RNF38: variants seen among roughly 807,000 people sequenced by gnomAD.
RNF38 encodes ring finger protein 38, also known as E3 ubiquitin-protein ligase RNF38.
In RNF38, 15 loss-of-function variants were observed where a neutral mutation model predicts 67.2. The observed-to-expected ratio is 0.22, with a 90% CI of 0.15 to 0.34. The LOEUF (loss-of-function observed/expected upper bound fraction) is 0.34, where lower values mean the gene tolerates loss of function less well. Among genes scored for constraint, RNF38 ranks in the 10% least tolerant of loss-of-function variants. The pLI, the probability that RNF38 is intolerant of heterozygous loss-of-function variation, is 1.00. For missense variants in RNF38, 524 were observed against 639.9 expected (o/e 0.82, Z 1.95); for synonymous variants, 220 against 218.8 (o/e 1.01, Z -0.05).
upstream of RNF38, chr9:36,400,958 C>A: frequency 1.0e-6 from 1 of 984,742 alleles, no homozygotes; most frequent in Non-Finnish European, 1.2e-6. Context: ...ATCACAGACC[C>A]GGGCTCCCTA....
At chr9:36,464,732 A>G (rs1223987545) in intron 1 of RNF38, among the ~76,000 whole-genome samples, 3 of 152,218 alleles carry the variant, frequency 2.0e-5, no homozygotes, top group African/African-American at 7.2e-5. Flanking sequence ...GAAATGGCAA[A>G]ACAAGTTAAA....
At chr9:36,398,864 A>G (rs561627421) in intron 1 of RNF38, among the ~76,000 whole-genome samples, 2 of 152,202 alleles carry the variant, frequency 1.3e-5, no homozygotes, top group Non-Finnish European at 2.9e-5. Flanking sequence ...CTTGACCAAT[A>G]ATCTTTCCAT....
intron 2 of RNF38, among the ~76,000 whole-genome samples, chr9:36,420,587 T>C (rs1747100316): frequency 6.7e-6 from 1 of 150,350 alleles, no homozygotes; most frequent in African/African-American, 2.4e-5. Context: ...CCCCCTTCCC[T>C]GCTTTCTTAT....
intron 9 of RNF38, among the ~76,000 whole-genome samples, chr9:36,349,354 T>A (rs1298320558): frequency 1.3e-5 from 2 of 152,188 alleles, no homozygotes; most frequent in Non-Finnish European, 2.9e-5. Flanking sequence ...TTATTGTGGT[T>A]TTGATTTACA....
chr9:36,357,735 TTAATA>T (rs746956436), intron 5 of RNF38, 35 bp downstream of exon 5: 8 of 1,571,912 alleles, frequency 5.1e-6, no homozygotes, highest in Non-Finnish European at 7.0e-6. Flanking sequence ...GCTGGTGTGC[TTAATA>T]GTAATATCTA....
chr9:36,357,663 A>G, intron 5 of RNF38, 112 bp downstream of exon 5: 1 of 696,886 alleles, frequency 1.4e-6, no homozygotes, highest in Non-Finnish European at 2.3e-6. Flanking sequence ...TTGTTTGCTT[A>G]TATAATGCAG....
At chr9:36,384,277 A>G (rs959173637) in intron 2 of RNF38, among the ~76,000 whole-genome samples, 1 of 152,204 alleles carries the variant, frequency 6.6e-6, no homozygotes, top group Non-Finnish European at 1.5e-5. Flanking sequence ...AAAGATACTA[A>G]AACAACCTGA....
At chr9:36,403,455 G>C (rs939138392), upstream of RNF38, among the ~76,000 whole-genome samples, 1 of 152,152 alleles carries the variant, frequency 6.6e-6, no homozygotes, top group Non-Finnish European at 1.5e-5. Context: ...CAGGGCTACG[G>C]GACAGTACAG....
At chr9:36,450,945 A>G (rs1240221620) in intron 1 of RNF38, among the ~76,000 whole-genome samples, 11 of 152,144 alleles carry the variant, frequency 7.2e-5, no homozygotes, top group Admixed American at 5.9e-4. Context: ...ACCAGACAAT[A>G]TGAGTCTCCT....
intron 1 of RNF38, among the ~76,000 whole-genome samples, chr9:36,457,221 A>C (rs1325165238): frequency 6.6e-6 from 1 of 152,198 alleles, no homozygotes; most frequent in Non-Finnish European, 1.5e-5. Context: ...CCAAACACGA[A>C]GGCACTGAAT....
Position 36,390,621 on chromosome 9 carries a change from G to A in RNF38, c.13-5C>T. On this transcript the variant is annotated splice_region_variant and splice_polypyrimidine_tract_variant and intron_variant, in intron 1 of 11. Coordinates refer to ENST00000259605, the MANE Select transcript of RNF38 (RefSeq NM_022781.5). ...TGAATTGGCCCCGGGAGATATCTGG[G>A]AAAAAGAGGAAGAAAAGGATAGTTC... The A allele has an allele frequency of 6.2e-7, 1 of 1,613,264 alleles. No individual in the cohort carries two copies. The highest frequency in any genetic ancestry group is 8.5e-7 in the Non-Finnish European group (1 of 1,179,642).
intron 2 of RNF38, among the ~76,000 whole-genome samples, chr9:36,378,650 G>A (rs749841217): frequency 4.7e-4 from 72 of 152,092 alleles, no homozygotes; most frequent in Non-Finnish European, 1.0e-4. Flanking sequence ...AGATACTCAC[G>A]ATAAAGGTCA....
chr9:36,481,064 G>C (rs1169642844), intron 1 of RNF38, among the ~76,000 whole-genome samples: 3 of 149,848 alleles, frequency 2.0e-5, no homozygotes, highest in Non-Finnish European at 3.0e-5. Context: ...ACCCAGGCTG[G>C]AGTGCAATGG....
At position 36,448,362 on chromosome 9, in the gene RNF38, A is replaced by G. The variant is rs1839356147; in HGVS notation, n.242-23679T>C. Among the ~76,000 whole-genome samples the G allele has an allele frequency of 2.0e-5, 3 of 152,264 alleles. 1 individual carries two copies. The stretch of plus-strand genomic sequence containing the variant: ...AATCTTCTGGTTACCAGAGATTGAT[A>G]TTGAAAAACGAACCTCACAATTATC... On this transcript the variant is annotated intron_variant and non_coding_transcript_variant, in intron 1 of 3. Transcript: ENST00000488058.
At chr9:36,458,113 T>C (rs1445827653) in intron 1 of RNF38, among the ~76,000 whole-genome samples, 1 of 152,168 alleles carries the variant, frequency 6.6e-6, no homozygotes, top group African/African-American at 2.4e-5. Flanking sequence ...ACCAACGCTT[T>C]TGGAATGCAG....
At chr9:36,480,701 G>A (rs949431973) in intron 1 of RNF38, among the ~76,000 whole-genome samples, 1 of 151,326 alleles carries the variant, frequency 6.6e-6, no homozygotes, top group Non-Finnish European at 1.5e-5. Flanking sequence ...ACAGGCAAGT[G>A]CCACCACACC....
At position 36,352,814 on chromosome 9, in the gene RNF38, C is replaced by T; in HGVS notation, c.1106G>A (p.Gly369Glu). ...YPPFMPRRLT[G>E]RSRYRSQQPI... ...CTGCTGGGATCGGTATCTACTACGT[C>T]CTGTAAGCCTCCGAGGCATAAATGG... Residue 369 changes from glycine (G) to glutamate (E), a missense_variant, in exon 8 of 12, where the codon GGA becomes GAA. Around this residue, in one of 2 missense-constraint regions of RNF38, gnomAD observed 461 missense variants for 517.4 expected, o/e 0.89. Coordinates refer to ENST00000259605, the MANE Select transcript of RNF38 (RefSeq NM_022781.5). 1 of 1,613,960 alleles carries T rather than the reference C, an allele frequency of 6.2e-7. No individual in the cohort carries two copies. The highest frequency in any genetic ancestry group is 8.5e-7 in the Non-Finnish European group (1 of 1,179,958).
At chr9:36,369,984 A>G in intron 3 of RNF38, 52 bp from the exon 4 acceptor site, 1 of 1,445,662 alleles carries the variant, frequency 6.9e-7, no homozygotes, top group Non-Finnish European at 9.5e-7. Context: ...ATCCATCAGG[A>G]TTCTGTATTG....
intron 9 of RNF38, among the ~76,000 whole-genome samples, chr9:36,346,492 A>G (rs781693304): frequency 5.9e-5 from 9 of 152,050 alleles, no homozygotes; most frequent in Non-Finnish European, 8.8e-5. Flanking sequence ...TGCCCAGCCA[A>G]TTATTATGCT....
Sources: allele counts gnomAD v4.1 joint callset (sites outside exome capture counted in the v4.1 genomes callset), GRCh38; gene constraint gnomAD v4.1.1; regional missense constraint gnomAD v4.1.1; transcripts MANE v1.5; gene names NCBI Gene and HGNC (gene_info 2026-07-23, HGNC 2026-07-21).